Variants in CFAP299 observed in about 807,000 individuals in gnomAD.
CFAP299 encodes the protein cilia and flagella associated protein 299, also known as cilia- and flagella-associated protein 299.
Under a neutral mutation model 27.0 loss-of-function variants are expected in CFAP299, and 21 were observed. That is an observed-to-expected ratio of 0.78 (90% confidence interval 0.55 to 1.12). CFAP299 has a LOEUF of 1.12. Among genes scored for constraint, CFAP299 ranks in the 50% most tolerant of loss-of-function variants. CFAP299 has a pLI of 0.00. For missense variants in CFAP299, 310 were observed against 276.6 expected (o/e 1.12, Z -0.86); for synonymous variants, 104 against 98.1 (o/e 1.06, Z -0.36).
intron 2 of CFAP299, among the ~76,000 whole-genome samples, chr4:80,385,685 C>A (rs1724938517): frequency 6.6e-6 from 1 of 152,214 alleles, no homozygotes; most frequent in African/African-American, 2.4e-5. Context: ...CAGTTGAGTG[C>A]CTCCTAAAAG....
chr4:80,614,424 T>A (rs1030961629), intron 3 of CFAP299, among the ~76,000 whole-genome samples: 1 of 152,158 alleles, frequency 6.6e-6, no homozygotes, highest in African/African-American at 2.4e-5. Context: ...CTAAGGCACT[T>A]CTATTGAAAA....
At chr4:80,433,395 A>G (rs1472787507) in intron 2 of CFAP299, among the ~76,000 whole-genome samples, 2 of 152,208 alleles carry the variant, frequency 1.3e-5, no homozygotes, top group African/African-American at 2.4e-5. Context: ...CCTAAGAATG[A>G]AAAAATAAGA....
intron 3 of CFAP299, among the ~76,000 whole-genome samples, chr4:80,772,270 A>T (rs1433860720): frequency 6.6e-6 from 1 of 152,156 alleles, no homozygotes; most frequent in Non-Finnish European, 1.5e-5. Flanking sequence ...GCTTGGAGAA[A>T]ATTGACAAAA....
chr4:80,376,107 CA>C (rs912204961), intron 2 of CFAP299, among the ~76,000 whole-genome samples: 52 of 152,134 alleles, frequency 3.4e-4, no homozygotes, highest in African/African-American at 1.1e-3. Flanking sequence ...CCTGACAAAC[CA>C]GCCATATGAT....
At chr4:80,441,652 G>A (rs549823977) in intron 2 of CFAP299, among the ~76,000 whole-genome samples, 1 of 152,254 alleles carries the variant, frequency 6.6e-6, no homozygotes, top group South Asian at 2.1e-4. Flanking sequence ...ATCAACTAAT[G>A]TGCAAAATCA....
intron 1 of CFAP299, among the ~76,000 whole-genome samples, chr4:80,359,841 C>T (rs936515788): frequency 6.6e-6 from 1 of 152,180 alleles, no homozygotes; most frequent in Non-Finnish European, 1.5e-5. Flanking sequence ...CCATCTCAGT[C>T]CTGTTCACAA....
chr4:80,420,417 T>C, intron 2 of CFAP299: 1 of 275,178 alleles, frequency 3.6e-6, no homozygotes, highest in South Asian at 3.6e-5. Context: ...TATTTTTATT[T>C]TTTTCATCAC....
chr4:80,408,784 T>C (rs967082100), intron 2 of CFAP299, among the ~76,000 whole-genome samples: 2 of 151,766 alleles, frequency 1.3e-5, no homozygotes, highest in African/African-American at 4.8e-5. Flanking sequence ...GCAAGAAAAT[T>C]ACTTACTTTT....
chr4:80,637,459 C>T (rs1363477892), intron 3 of CFAP299, among the ~76,000 whole-genome samples: 1 of 152,118 alleles, frequency 6.6e-6, no homozygotes, highest in African/African-American at 2.4e-5. Context: ...GTCTGTGGAC[C>T]TAAGACAGTT....
At chr4:80,872,776 A>T in intron 4 of CFAP299, 2 of 410,336 alleles carry the variant, frequency 4.9e-6, no homozygotes, top group Non-Finnish European at 3.3e-6. Flanking sequence ...TGAAGTACCT[A>T]TTAAGATTTT....
At chr4:80,436,443 C>T (rs1306097707) in intron 2 of CFAP299, among the ~76,000 whole-genome samples, 1 of 152,034 alleles carries the variant, frequency 6.6e-6, no homozygotes, top group African/African-American at 2.4e-5. Context: ...GGACTACCGG[C>T]ACCCATCACC....
intron 2 of CFAP299, among the ~76,000 whole-genome samples, chr4:80,375,081 A>C (rs1724337066): frequency 6.6e-6 from 1 of 152,162 alleles, no homozygotes. Flanking sequence ...GCCCGCACCA[A>C]GTGCAGTTCA....
intron 2 of CFAP299, chr4:80,387,902 C>T (rs1429750705): frequency 2.4e-5 from 22 of 919,720 alleles, no homozygotes; most frequent in African/African-American, 6.5e-5. Context: ...ACGGTGCCCC[C>T]GGTGGCACTG....
upstream of CFAP299, among the ~76,000 whole-genome samples, chr4:80,333,092 GA>G (rs1722000015): frequency 6.6e-6 from 1 of 152,088 alleles, no homozygotes; most frequent in African/African-American, 2.4e-5. Flanking sequence ...TCTCTCTTCT[GA>G]AATTTTCCTT....
At chr4:80,848,465 C>T (rs1354258222) in intron 3 of CFAP299, among the ~76,000 whole-genome samples, 1 of 152,078 alleles carries the variant, frequency 6.6e-6, no homozygotes, top group Non-Finnish European at 1.5e-5. Context: ...GCAATTGTAA[C>T]ACAGTGGTAA....
intron 2 of CFAP299, among the ~76,000 whole-genome samples, chr4:80,544,877 A>G (rs1328573799): frequency 2.0e-5 from 3 of 152,184 alleles, no homozygotes; most frequent in African/African-American, 7.2e-5. Context: ...CTAAACATCT[A>G]TACAACACTC....
chr4:80,730,433 C>G (rs1009625680), intron 3 of CFAP299, among the ~76,000 whole-genome samples: 15 of 151,886 alleles, frequency 9.9e-5, no homozygotes, highest in African/African-American at 3.6e-4. Flanking sequence ...AGGCAAGGCT[C>G]CCCCAGAGAG....
At chr4:80,686,342 G>A (rs1374316715) in intron 3 of CFAP299, among the ~76,000 whole-genome samples, 5 of 152,206 alleles carry the variant, frequency 3.3e-5, no homozygotes, top group African/African-American at 1.2e-4. Flanking sequence ...GAAGGGAGGA[G>A]CCTTTGGCTC....
At chr4:80,476,659 C>T (rs114286436) in intron 2 of CFAP299, among the ~76,000 whole-genome samples, 2,002 of 152,176 alleles carry the variant, frequency 0.013, 41 homozygotes, top group African/African-American at 0.044. Flanking sequence ...CATGATTAAT[C>T]TCATTGTGTT....
Sources: allele counts gnomAD v4.1 joint callset (sites outside exome capture counted in the v4.1 genomes callset), GRCh38; gene constraint gnomAD v4.1.1; transcripts MANE v1.5; gene names NCBI Gene and HGNC (gene_info 2026-07-23, HGNC 2026-07-21).